The following FAR2 variants were observed in gnomAD, a reference collection of about 807,000 sequenced individuals.
FAR2 encodes epididymis secretory protein Li 81.
In FAR2, 19 loss-of-function variants were observed where a neutral mutation model predicts 56.0. The observed-to-expected ratio is 0.34, with a 90% CI of 0.24 to 0.50. The LOEUF is 0.50. Among genes scored for constraint, FAR2 ranks in the 20% least tolerant of loss-of-function variants. The pLI is 0.98. For missense variants in FAR2, 508 were observed against 642.2 expected (o/e 0.79, Z 2.26); for synonymous variants, 219 against 218.8 (o/e 1.00, Z -0.01).
At chr12:29,212,825 T>G (rs956187874) in intron 1 of FAR2, among the ~76,000 whole-genome samples, 2 of 152,250 alleles carry the variant, frequency 1.3e-5, no homozygotes, top group African/African-American at 4.8e-5. Context: ...GAGCCAAACT[T>G]GGGTTTGAAT....
At chr12:29,187,479 C>G (rs1320962570) in intron 1 of FAR2, among the ~76,000 whole-genome samples, 1 of 152,030 alleles carries the variant, frequency 6.6e-6, no homozygotes, top group African/African-American at 2.4e-5. Context: ...TCTTTAAACA[C>G]AGCAAACCAT....
At chr12:29,199,613 A>AAGG (rs1454164753) in intron 1 of FAR2, among the ~76,000 whole-genome samples, 1 of 25,236 alleles carries the variant, frequency 4.0e-5, no homozygotes, top group African/African-American at 6.8e-5. Flanking sequence ...AAAAAAAAAA[A>AAGG]AAGAAAGAAA....
At chr12:29,211,296 G>GA in intron 1 of FAR2, among the ~76,000 whole-genome samples, 1 of 151,840 alleles carries the variant, frequency 6.6e-6, no homozygotes, top group African/African-American at 2.4e-5. Context: ...GTCTCAAAAA[G>GA]AAAAAAAGAA....
At chr12:29,325,763 A>T (rs1397737408) in intron 10 of FAR2, among the ~76,000 whole-genome samples, 1 of 152,214 alleles carries the variant, frequency 6.6e-6, no homozygotes, top group African/African-American at 2.4e-5. Flanking sequence ...GTGTAGAGGG[A>T]AATTTATAGC....
chr12:29,211,207 C>T (rs757395752), intron 1 of FAR2, among the ~76,000 whole-genome samples: 16 of 152,136 alleles, frequency 1.1e-4, no homozygotes, highest in Middle Eastern at 3.4e-3. Flanking sequence ...AGGAGAATTG[C>T]TTGAACCTGG....
rs577813576 is a variant in FAR2 at position 29,293,529 on chromosome 12, T to G, written c.365+54T>G. On this transcript the variant is annotated intron_variant, in intron 3 of 11. Coordinates refer to ENST00000536681, the MANE Select transcript of FAR2 (RefSeq NM_001271783.2). ...GTATACATATGTGTGCATGTAAATT[T>G]CTTCATAGTTTCTGTAAAAAAAAAG... The G allele has an allele frequency of 1.2e-4, 152 of 1,291,500 alleles. 1 individual carries two copies. Among genetic ancestry groups the G allele is most frequent in the Non-Finnish European group, 1.4e-4 (141 of 1,007,784 alleles). 80.0% of individuals were successfully genotyped at this position (1,291,500 alleles called of 1,614,324 possible).
intron 1 of FAR2, among the ~76,000 whole-genome samples, chr12:29,267,155 A>G (rs1393285349): frequency 6.6e-6 from 1 of 152,172 alleles, no homozygotes; most frequent in East Asian, 1.9e-4. Flanking sequence ...GTTATGATTT[A>G]TTGAGTGTTA....
rs576573973 is a variant in FAR2, at chr12:29,181,362, A to G, written c.-39+31955A>G. ...TAAGAAGATTTTTGTGAGTTTCATG[A>G]AAAACTAGCCAATTTTTTTAGGAGA... On this transcript the variant is annotated intron_variant, in intron 1 of 11. Transcript: ENST00000536681. Among the ~76,000 whole-genome samples the G allele has an allele frequency of 8.1e-4, 124 of 152,318 alleles. 1 individual carries two copies. The highest frequency in any genetic ancestry group is 2.8e-3 in the African/African-American group (117 of 41,572).
intron 1 of FAR2, among the ~76,000 whole-genome samples, chr12:29,225,801 T>C (rs949798807): frequency 6.6e-6 from 1 of 152,252 alleles, no homozygotes; most frequent in Non-Finnish European, 1.5e-5. Context: ...CCTCACCTTT[T>C]TTCAATTTCA....
At chr12:29,174,363 T>C (rs1949915738) in intron 1 of FAR2, among the ~76,000 whole-genome samples, 2 of 150,028 alleles carry the variant, frequency 1.3e-5, no homozygotes, top group Non-Finnish European at 3.0e-5. Context: ...GAGTTTATAC[T>C]AGAAATTATT....
intron 1 of FAR2, among the ~76,000 whole-genome samples, chr12:29,152,865 C>T (rs1195302134): frequency 6.6e-6 from 1 of 152,106 alleles, no homozygotes; most frequent in Non-Finnish European, 1.5e-5. Context: ...AGAGGAAAGG[C>T]CCTTAGAGAT....
At chr12:29,322,223 C>T (rs1949563944) in intron 10 of FAR2, among the ~76,000 whole-genome samples, 1 of 152,200 alleles carries the variant, frequency 6.6e-6, no homozygotes, top group Non-Finnish European at 1.5e-5. Context: ...ATCATTTCTA[C>T]AAACCCTCAG....
intron 1 of FAR2, among the ~76,000 whole-genome samples, chr12:29,205,522 C>T (rs7315643): frequency 0.58 from 87,748 of 152,098 alleles, 26,724 homozygotes; most frequent in East Asian, 0.76. Flanking sequence ...CTTTAAGCTC[C>T]TGCTGTTTTG....
intron 1 of FAR2, among the ~76,000 whole-genome samples, chr12:29,249,265 A>C (rs979983406): frequency 4.6e-5 from 7 of 152,192 alleles, no homozygotes; most frequent in Admixed American, 1.3e-4. Context: ...TTCACAATCC[A>C]CGTTCTTCTG....
chr12:29,236,334 C>T (rs1947940583), intron 1 of FAR2, among the ~76,000 whole-genome samples: 1 of 152,008 alleles, frequency 6.6e-6, no homozygotes, highest in Admixed American at 6.6e-5. Flanking sequence ...CAAATTACAC[C>T]CTAAGCCAAA....
chr12:29,163,210 C>G (rs146797306), intron 1 of FAR2, among the ~76,000 whole-genome samples: 5 of 152,294 alleles, frequency 3.3e-5, no homozygotes, highest in African/African-American at 1.2e-4. Flanking sequence ...TGACCGTGGA[C>G]AAATCACTTT....
intron 1 of FAR2, among the ~76,000 whole-genome samples, chr12:29,234,536 A>T (rs1387829260): frequency 6.6e-6 from 1 of 152,150 alleles, no homozygotes; most frequent in African/African-American, 2.4e-5. Context: ...ATAGTCTGTT[A>T]TCCAGTTCCC....
chr12:29,152,304 A>G (rs1384523406), intron 1 of FAR2, among the ~76,000 whole-genome samples: 1 of 152,222 alleles, frequency 6.6e-6, no homozygotes, highest in Non-Finnish European at 1.5e-5. Flanking sequence ...ATCCTTTAAA[A>G]TATCCTAGGA....
At chr12:29,279,331 G>A (rs543989759) in intron 2 of FAR2, among the ~76,000 whole-genome samples, 4 of 152,232 alleles carry the variant, frequency 2.6e-5, no homozygotes, top group Admixed American at 2.0e-4. Context: ...CACTTGCCTC[G>A]GACTGCCTAC....
Sources: allele counts gnomAD v4.1 joint callset (sites outside exome capture counted in the v4.1 genomes callset), GRCh38; gene constraint gnomAD v4.1.1; transcripts MANE v1.5; gene names NCBI Gene and HGNC (gene_info 2026-07-23, HGNC 2026-07-21).